GTF2A1L: variants seen among roughly 807,000 people sequenced by gnomAD.
The protein encoded by GTF2A1L is TFIIA-alpha and beta-like factor.
In GTF2A1L, 48 loss-of-function variants were observed where a neutral mutation model predicts 49.7. That is an observed-to-expected ratio of 0.97 (90% CI 0.77 to 1.23). The LOEUF (loss-of-function observed/expected upper bound fraction) is 1.23, where lower values mean the gene tolerates loss of function less well. Among genes scored for constraint, GTF2A1L ranks in the 50% most tolerant of loss-of-function variants. The pLI is 0.00. For missense variants in GTF2A1L, 736 were observed against 564.8 expected (o/e 1.30, Z -3.07); for synonymous variants, 246 against 193.5 (o/e 1.27, Z -2.25).
Position 48,679,353 on chromosome 2 carries a change from A to C in GTF2A1L, c.1348A>C (p.Lys450Gln), listed in dbSNP as rs201227811. 3 of 1,610,360 alleles carry C rather than the reference A, an allele frequency of 1.9e-6. No individual in the cohort carries two copies. In the African/African-American group the frequency reaches 4.0e-5, roughly 22 times the overall value. Residue 450 changes from lysine to glutamine, a missense_variant, in exon 9 of 9, where the codon AAA becomes CAA. Transcript: ENST00000403751. Reference sequence around the variant, plus strand: ...CCTCCAGATTCATCGAAGCAAGAACAAATGGAAATTCTATTTGAAAGATGG... The same window carrying C: ...CCTCCAGATTCATCGAAGCAAGAACCAATGGAAATTCTATTTGAAAGATGG... ...QYDKIHRSKN[K>Q]WKFYLKDGVM... is the part of the protein sequence containing the mutation.
intron 6 of GTF2A1L, among the ~76,000 whole-genome samples, chr2:48,660,970 T>C (rs1479374778): frequency 6.6e-6 from 1 of 152,272 alleles, no homozygotes; most frequent in East Asian, 1.9e-4. Flanking sequence ...GAGTCTTCTC[T>C]TCTTCTTATC....
chr2:48,629,589 T>C (rs1277541354), intron 3 of GTF2A1L, among the ~76,000 whole-genome samples: 4 of 143,914 alleles, frequency 2.8e-5, no homozygotes, highest in African/African-American at 9.9e-5. Flanking sequence ...GGCACATAAT[T>C]AGATACTAGC....
At chr2:48,653,344 T>C (rs1395345503) in intron 6 of GTF2A1L, among the ~76,000 whole-genome samples, 1 of 152,130 alleles carries the variant, frequency 6.6e-6, no homozygotes, top group Admixed American at 6.6e-5. Context: ...AAACATGAAG[T>C]TATACAACCC....
chr2:48,649,317 A>G (rs1035587486), intron 6 of GTF2A1L, among the ~76,000 whole-genome samples: 1 of 152,244 alleles, frequency 6.6e-6, no homozygotes, highest in East Asian at 1.9e-4. Flanking sequence ...AATTTTGTAA[A>G]TATTCCTGGA....
At chr2:48,644,693 A>C (rs147569126) in intron 4 of GTF2A1L, among the ~76,000 whole-genome samples, 95 of 152,324 alleles carry the variant, frequency 6.2e-4, no homozygotes, top group African/African-American at 2.2e-3. Context: ...ATTCTCAACA[A>C]CACTGGATGT....
Position 48,634,913 on chromosome 2 carries a change from T to A in GTF2A1L, c.248-7489T>A, listed in dbSNP as rs902757527. Among the ~76,000 whole-genome samples the A allele has an allele frequency of 5.3e-5, 8 of 152,004 alleles. 2 individuals are homozygous for A. ...CAGATTGGGCACATCCATCTACAGG[T>A]CCCCCAGTGGCAGGTACAAGCACTG... On this transcript the variant is annotated intron_variant, in intron 3 of 8. Transcript: ENST00000403751.
intron 1 of GTF2A1L, among the ~76,000 whole-genome samples, chr2:48,620,366 A>G (rs1002636896): frequency 3.9e-5 from 6 of 152,246 alleles, no homozygotes; most frequent in Non-Finnish European, 7.3e-5. Flanking sequence ...GTTTATGGAA[A>G]GCTAAGACTA....
At chr2:48,637,219 T>C (rs1572714566) in intron 3 of GTF2A1L, among the ~76,000 whole-genome samples, 1 of 152,320 alleles carries the variant, frequency 6.6e-6, no homozygotes, top group East Asian at 1.9e-4. Context: ...TTATTAAAAT[T>C]TGGATTGGTT....
At chr2:48,652,488 C>T (rs1480559608) in intron 6 of GTF2A1L, among the ~76,000 whole-genome samples, 1 of 151,082 alleles carries the variant, frequency 6.6e-6, no homozygotes, top group Non-Finnish European at 1.5e-5. Context: ...TGGTGGCAGG[C>T]ACCTGTAATC....
In GTF2A1L at chr2:48,679,496, T is replaced by C; in HGVS notation, c.*54T>C. 6.3e-7 allele frequency: 1 copy of C among 1,596,222 alleles called. No homozygotes were observed. The highest frequency in any genetic ancestry group is 8.5e-7 in the Non-Finnish European group (1 of 1,174,428). ...TGAACATCAGTTGGATTATATTGCA[T>C]ATTGTGAATTCATTTTTATTTTGAA... On this transcript the variant is annotated 3_prime_UTR_variant, in exon 9 of 9. Coordinates refer to ENST00000403751, the MANE Select transcript of GTF2A1L (RefSeq NM_006872.5).
chr2:48,666,829 A>T (rs1225234335), intron 6 of GTF2A1L, among the ~76,000 whole-genome samples: 1 of 151,204 alleles, frequency 6.6e-6, no homozygotes, highest in East Asian at 1.9e-4. Flanking sequence ...GAAATTCTTT[A>T]TTTGTTCATG....
At chr2:48,618,945 G>GT (rs144257154) in intron 1 of GTF2A1L, among the ~76,000 whole-genome samples, 1,649 of 152,272 alleles carry the variant, frequency 0.011, 104 homozygotes, top group Admixed American at 0.075. Flanking sequence ...AGACCTAAGA[G>GT]TTTTTTCCTT....
intron 1 of GTF2A1L, 41 bp from the exon 2 acceptor site, chr2:48,620,809 AT>A (rs1328525469): frequency 9.2e-7 from 1 of 1,087,680 alleles, no homozygotes. Flanking sequence ...AAATAAATAA[AT>A]AAATAAATAA....
rs528095538 is a variant in GTF2A1L at position 48,677,381 on chromosome 2, G to GT, written c.1330-1953dup. Among the ~76,000 whole-genome samples, 229 of 152,080 alleles carry GT rather than the reference G, an allele frequency of 1.5e-3. 4 individuals are homozygous for GT. The Middle Eastern group carries it at 0.017, about 11-fold the overall frequency. On this transcript the variant is annotated intron_variant, in intron 8 of 8. Coordinates refer to ENST00000403751, the MANE Select transcript of GTF2A1L (RefSeq NM_006872.5). ...GTAATAGGGTAAAGATCAGAAGGAAGTAAGGGAATGAACTGTGAGGATATT... is the reference window on the plus strand; with the variant it reads ...GTAATAGGGTAAAGATCAGAAGGAAGTTAAGGGAATGAACTGTGAGGATATT...
At chr2:48,673,744 A>G (rs1208869289) in intron 8 of GTF2A1L, among the ~76,000 whole-genome samples, 2 of 152,162 alleles carry the variant, frequency 1.3e-5, no homozygotes, top group Non-Finnish European at 2.9e-5. Context: ...GGAAAAAAGG[A>G]TATGATCTAA....
intron 3 of GTF2A1L, among the ~76,000 whole-genome samples, chr2:48,634,793 C>G (rs143857338): frequency 1.4e-3 from 213 of 152,286 alleles, no homozygotes; most frequent in Non-Finnish European, 2.2e-3. Context: ...TCCTTTTGTA[C>G]AGGATCTGAC....
chr2:48,637,475 G>C (rs1045577650), intron 3 of GTF2A1L, among the ~76,000 whole-genome samples: 1 of 152,180 alleles, frequency 6.6e-6, no homozygotes, highest in South Asian at 2.1e-4. Context: ...AGCTAAGGCA[G>C]TGTTAAGAGG....
rs62137485 is a variant in GTF2A1L at position 48,621,159 on chromosome 2, C to T, written c.124-8C>T. On this transcript the variant is annotated splice_polypyrimidine_tract_variant and splice_region_variant and intron_variant, in intron 2 of 8. Coordinates refer to ENST00000403751, the MANE Select transcript of GTF2A1L (RefSeq NM_006872.5). The stretch of plus-strand genomic sequence containing the variant: ...TTTTAAAGTAAACTTTTTTTTTCCC[C>T]TCTGCAGCTCTGGGAAACCAAGGTT... 1.2e-6 allele frequency: 2 copies of T among 1,601,400 alleles called. No individual in the cohort carries two copies. Among genetic ancestry groups the T allele is most frequent in the African/African-American group, 1.4e-5 (1 of 73,820 alleles).
chr2:48,675,618 G>A (rs11896506), intron 8 of GTF2A1L, among the ~76,000 whole-genome samples: 6,020 of 151,912 alleles, frequency 0.04, 384 homozygotes, highest in African/African-American at 0.14. Context: ...ATATTATAGC[G>A]AAAATTAATG....
Sources: gnomAD v4.1 joint callset for allele counts (sites outside exome capture counted in the v4.1 genomes callset) on GRCh38, gnomAD v4.1.1 for gene constraint, MANE v1.5 for transcripts, NCBI Gene and HGNC (gene_info 2026-07-23, HGNC 2026-07-21) for gene names.